SNTG1: variants seen among roughly 807,000 people sequenced by gnomAD.
The protein encoded by SNTG1 is syntrophin gamma 1.
Under a neutral mutation model 74.7 loss-of-function variants are expected in SNTG1, and 39 were observed. That is an observed-to-expected ratio of 0.52 (90% CI 0.40 to 0.68). The LOEUF is 0.68. SNTG1 is among the 30% of genes least tolerant of loss of function. The pLI, the probability that SNTG1 is intolerant of heterozygous loss-of-function variation, is 0.00. For synonymous variants in SNTG1, 254 were observed against 217.1 expected, an observed-to-expected ratio of 1.17 and a Z score of -1.49; for missense variants, 685 against 609.5, an observed-to-expected ratio of 1.12 and a Z score of -1.30.
intron 2 of SNTG1, among the ~76,000 whole-genome samples, chr8:50,363,568 G>A (rs2131088751): frequency 6.6e-6 from 1 of 152,240 alleles, no homozygotes; most frequent in South Asian, 2.1e-4. Flanking sequence ...GAAGTGACTA[G>A]TGAGGAAACG....
intron 12 of SNTG1, chr8:50,569,139 C>A (rs1275570696): frequency 6.6e-6 from 1 of 152,198 alleles, no homozygotes; most frequent in Non-Finnish European, 1.5e-5. Context: ...ACTTTCCTAT[C>A]CTCTGTAGTG....
intron 13 of SNTG1, among the ~76,000 whole-genome samples, chr8:50,643,023 G>A (rs1292888493): frequency 2.0e-5 from 3 of 151,580 alleles, no homozygotes; most frequent in African/African-American, 7.3e-5. Context: ...TGTGGACACT[G>A]TAGATGCCAT....
chr8:50,590,366 A>G (rs2094683665), intron 12 of SNTG1, among the ~76,000 whole-genome samples: 1 of 152,140 alleles, frequency 6.6e-6, no homozygotes, highest in South Asian at 2.1e-4. Context: ...CTGGAGACCT[A>G]CTTTAAATTC....
intron 13 of SNTG1, among the ~76,000 whole-genome samples, chr8:50,620,386 G>T (rs1246318003): frequency 6.6e-6 from 1 of 152,090 alleles, no homozygotes; most frequent in Non-Finnish European, 1.5e-5. Context: ...TGAAATTCAG[G>T]GTCATGTCAG....
At chr8:50,630,191 T>G (rs2094987077) in intron 13 of SNTG1, among the ~76,000 whole-genome samples, 1 of 152,164 alleles carries the variant, frequency 6.6e-6, no homozygotes, top group African/African-American at 2.4e-5. Context: ...AATATTAATT[T>G]GTGTCTATAT....
At chr8:50,217,325 G>A (rs547437285) in intron 2 of SNTG1, among the ~76,000 whole-genome samples, 1 of 152,018 alleles carries the variant, frequency 6.6e-6, no homozygotes, top group Non-Finnish European at 1.5e-5. Flanking sequence ...ATGAAGGGGA[G>A]TCATTTTTTT....
intron 13 of SNTG1, among the ~76,000 whole-genome samples, chr8:50,630,302 C>G (rs2094987826): frequency 6.6e-6 from 1 of 152,018 alleles, no homozygotes; most frequent in African/African-American, 2.4e-5. Flanking sequence ...GTAGGCTTAC[C>G]TTAGTTTAAG....
intron 1 of SNTG1, among the ~76,000 whole-genome samples, chr8:50,091,973 C>T (rs2079755604): frequency 6.6e-6 from 1 of 151,900 alleles, no homozygotes; most frequent in African/African-American, 2.4e-5. Flanking sequence ...CTGGGAACGC[C>T]CAGTCTAAAA....
At chr8:49,954,479 G>A (rs1809987965) in intron 1 of SNTG1, among the ~76,000 whole-genome samples, 1 of 152,250 alleles carries the variant, frequency 6.6e-6, no homozygotes, top group African/African-American at 2.4e-5. Context: ...GTCTTATTCT[G>A]TGGCAATTTT....
At chr8:50,143,748 A>C (rs986735334) in intron 1 of SNTG1, among the ~76,000 whole-genome samples, 1 of 152,142 alleles carries the variant, frequency 6.6e-6, no homozygotes, top group African/African-American at 2.4e-5. Context: ...AGTATAATGG[A>C]TATGTCACAT....
At chr8:50,747,631 A>G (rs1290715652) in intron 17 of SNTG1, 3 of 151,994 alleles carry the variant, frequency 2.0e-5, no homozygotes, top group Non-Finnish European at 4.4e-5. Context: ...TGTTACTTTA[A>G]TTCTTAAATT....
intron 2 of SNTG1, among the ~76,000 whole-genome samples, chr8:50,350,103 G>C (rs1179790899): frequency 6.6e-6 from 1 of 152,174 alleles, no homozygotes; most frequent in African/African-American, 2.4e-5. Flanking sequence ...AGCAGCGCCG[G>C]CTCACGGGCG....
intron 17 of SNTG1, among the ~76,000 whole-genome samples, chr8:50,726,369 C>T (rs1448244345): frequency 1.3e-5 from 2 of 152,104 alleles, no homozygotes; most frequent in Non-Finnish European, 2.9e-5. Flanking sequence ...TATGATTTTC[C>T]TGGAGACTGA....
intron 2 of SNTG1, among the ~76,000 whole-genome samples, chr8:50,230,501 C>T (rs2085561227): frequency 6.6e-6 from 1 of 151,162 alleles, no homozygotes; most frequent in Non-Finnish European, 1.5e-5. Flanking sequence ...CTCAACTTGT[C>T]CAATATCAAA....
intron 1 of SNTG1, among the ~76,000 whole-genome samples, chr8:50,088,789 A>T (rs1208793019): frequency 6.7e-6 from 1 of 148,956 alleles, no homozygotes; most frequent in Non-Finnish European, 1.5e-5. Flanking sequence ...TTCCATGCTC[A>T]TGGGTAGGAA....
At chr8:50,102,991 T>C (rs1461993060) in intron 1 of SNTG1, among the ~76,000 whole-genome samples, 5 of 151,554 alleles carry the variant, frequency 3.3e-5, no homozygotes, top group Admixed American at 2.0e-4. Flanking sequence ...AGTCAGGTAG[T>C]GTGATGCCTC....
At chr8:50,614,919 CA>C (rs748975257) in intron 13 of SNTG1, among the ~76,000 whole-genome samples, 31 of 150,642 alleles carry the variant, frequency 2.1e-4, no homozygotes, top group Non-Finnish European at 3.8e-4. Flanking sequence ...TTAAGATAAT[CA>C]GGGGTTTCAA....
intron 8 of SNTG1, among the ~76,000 whole-genome samples, chr8:50,498,547 A>C (rs1034395459): frequency 2.6e-5 from 4 of 151,846 alleles, no homozygotes; most frequent in Non-Finnish European, 5.9e-5. Flanking sequence ...AAAGTTTGTG[A>C]CTTTCTTAAA....
chr8:50,574,473 A>G (rs1201881368), intron 12 of SNTG1, among the ~76,000 whole-genome samples: 2 of 152,142 alleles, frequency 1.3e-5, no homozygotes. Context: ...AAAGTGAAAC[A>G]TGTAGCAACA....
Sources: allele counts gnomAD v4.1 joint callset (sites outside exome capture counted in the v4.1 genomes callset), GRCh38; gene constraint gnomAD v4.1.1; transcripts MANE v1.5; gene names NCBI Gene and HGNC (gene_info 2026-07-23, HGNC 2026-07-21).